The following ERC1 variants were observed in gnomAD, a reference collection of about 807,000 sequenced individuals.
The protein encoded by ERC1 is ELKS/RAB6-interacting/CAST family member 1.
In ERC1, 56 loss-of-function variants were observed where a neutral mutation model predicts 132.0. The observed-to-expected ratio is 0.42, with a 90% CI of 0.34 to 0.53. The LOEUF (loss-of-function observed/expected upper bound fraction) is 0.53, where lower values mean the gene tolerates loss of function less well. ERC1 is among the 20% of genes least tolerant of loss of function. The probability of loss-of-function intolerance (pLI) is 0.03; values close to 1 mark genes in which losing one functional copy is unlikely to be tolerated. For synonymous variants in ERC1, 478 were observed against 476.1 expected (o/e 1.00, Z -0.05); for missense variants, 1,202 against 1,349.9 (o/e 0.89, Z 1.72).
intron 12 of ERC1, among the ~76,000 whole-genome samples, chr12:1,216,653 G>A (rs1958455341): frequency 6.6e-6 from 1 of 151,712 alleles, no homozygotes; most frequent in African/African-American, 2.4e-5. Flanking sequence ...GGAATGATAT[G>A]TACAAAAACA....
intron 11 of ERC1, among the ~76,000 whole-genome samples, chr12:1,185,981 C>G (rs1274799709): frequency 6.6e-6 from 1 of 152,134 alleles, no homozygotes; most frequent in Non-Finnish European, 1.5e-5. Flanking sequence ...CCAATAGAGT[C>G]TTTTGTAAAG....
intron 16 of ERC1, among the ~76,000 whole-genome samples, chr12:1,373,876 T>C (rs1448152484): frequency 1.3e-5 from 2 of 152,250 alleles, no homozygotes; most frequent in African/African-American, 4.8e-5. Flanking sequence ...TCAGTGTCTT[T>C]ATATCAAACC....
chr12:1,016,328 A>G (rs929130877), intron 1 of ERC1, among the ~76,000 whole-genome samples: 24 of 152,252 alleles, frequency 1.6e-4, no homozygotes, highest in Non-Finnish European at 3.1e-4. Flanking sequence ...TTGCTATTAA[A>G]GAATTTTTTT....
rs1451274452 is a variant in ERC1, at chr12:1,493,049, AAG to A, written c.*2822_*2823del. The A allele has an allele frequency of 4.5e-6, 1 of 223,398 alleles. No individual in the cohort carries two copies. Among genetic ancestry groups the A allele is most frequent in the Non-Finnish European group, 8.9e-6 (1 of 111,928 alleles). 13.8% of individuals were successfully genotyped at this position (223,398 alleles called of 1,614,324 possible). A position where few individuals can be genotyped will look rare whatever the true frequency, so the allele number is the denominator to read the frequency against. On this transcript the variant is annotated 3_prime_UTR_variant, in exon 19 of 19. Coordinates refer to ENST00000360905, the MANE Select transcript of ERC1 (RefSeq NM_178040.4). ...TGCACCCCAAACCAATGTCACCATAAAGAGGGCACGAAGAAGAGTGGGTGTGA... is the reference window on the plus strand; with the variant it reads ...TGCACCCCAAACCAATGTCACCATAAAGGGCACGAAGAAGAGTGGGTGTGA...
At chr12:1,253,776 G>A (rs532464340) in intron 13 of ERC1, among the ~76,000 whole-genome samples, 28 of 152,294 alleles carry the variant, frequency 1.8e-4, no homozygotes, top group African/African-American at 6.5e-4. Flanking sequence ...TCTGAGAGAT[G>A]TATTGGGAGT....
At chr12:1,172,907 C>T (rs937552499) in intron 8 of ERC1, among the ~76,000 whole-genome samples, 15 of 152,164 alleles carry the variant, frequency 9.9e-5, no homozygotes, top group African/African-American at 2.7e-4. Flanking sequence ...ATTTGAATAA[C>T]GTCGTGGTCC....
chr12:1,293,678 A>G (rs1307199345), intron 15 of ERC1, among the ~76,000 whole-genome samples: 1 of 152,064 alleles, frequency 6.6e-6, no homozygotes, highest in African/African-American at 2.4e-5. Flanking sequence ...AAAAAATCTC[A>G]TTAGGGATTT....
chr12:1,407,270 A>T (rs917673647), intron 16 of ERC1, among the ~76,000 whole-genome samples: 2 of 150,616 alleles, frequency 1.3e-5, no homozygotes, highest in African/African-American at 5.0e-5. Context: ...GTATAAAGAA[A>T]AGCTATTTAT....
At chr12:1,472,147 G>C (rs1460741884) in intron 18 of ERC1, among the ~76,000 whole-genome samples, 9 of 152,148 alleles carry the variant, frequency 5.9e-5, no homozygotes, top group Non-Finnish European at 2.9e-5. Context: ...CGGGGATAGG[G>C]GACAGGGTAG....
intron 15 of ERC1, among the ~76,000 whole-genome samples, chr12:1,302,406 G>A (rs547685295): frequency 1.3e-3 from 202 of 152,206 alleles, no homozygotes; most frequent in Admixed American, 2.3e-3. Flanking sequence ...GATGTAAGCT[G>A]AACCCTGAGA....
At chr12:1,400,053 C>CT (rs59075529) in intron 16 of ERC1, among the ~76,000 whole-genome samples, 21,012 of 152,178 alleles carry the variant, frequency 0.14, 2,691 homozygotes, top group African/African-American at 0.34. Context: ...TTGTTATTGA[C>CT]TTTTAATAGC....
At chr12:1,411,106 T>C (rs2091820610) in intron 17 of ERC1, among the ~76,000 whole-genome samples, 2 of 152,176 alleles carry the variant, frequency 1.3e-5, no homozygotes, top group Admixed American at 6.5e-5. Flanking sequence ...TCCCTCCCTT[T>C]TCATGGATTG....
At chr12:1,360,822 C>G (rs2086019509) in intron 15 of ERC1, among the ~76,000 whole-genome samples, 1 of 152,126 alleles carries the variant, frequency 6.6e-6, no homozygotes, top group Non-Finnish European at 1.5e-5. Context: ...GTGGCTTACA[C>G]CTGTAATTCC....
At chr12:1,140,994 TAATAA>T (rs1949812427) in intron 7 of ERC1, among the ~76,000 whole-genome samples, 2 of 152,304 alleles carry the variant, frequency 1.3e-5, no homozygotes, top group African/African-American at 4.8e-5. Context: ...GCTAAAAGCT[TAATAA>T]AATTTTCTCT....
intron 18 of ERC1, among the ~76,000 whole-genome samples, chr12:1,448,574 G>C (rs1316706531): frequency 6.6e-6 from 1 of 152,222 alleles, no homozygotes; most frequent in East Asian, 1.9e-4. Context: ...TTTTGTGTGC[G>C]TGTTTTGTTT....
chr12:1,443,296 T>C (rs2093212276), intron 17 of ERC1: 1 of 152,172 alleles, frequency 6.6e-6, no homozygotes, highest in South Asian at 2.1e-4. Context: ...TATATTGTTT[T>C]CATAATAAAA....
intron 16 of ERC1, among the ~76,000 whole-genome samples, chr12:1,387,550 C>T (rs56090844): frequency 0.21 from 32,151 of 152,174 alleles, 3,902 homozygotes; most frequent in Non-Finnish European, 0.28. Flanking sequence ...AGGTGGGGCC[C>T]TAACCCTAAT....
chr12:1,115,846 G>T lies in ERC1; in HGVS notation c.1402-20G>T. The T allele has an allele frequency of 1.9e-6, 3 of 1,604,180 alleles. No homozygotes were observed. Among genetic ancestry groups the T allele is most frequent in the Non-Finnish European group, 2.6e-6 (3 of 1,175,138 alleles). On this transcript the variant is annotated intron_variant, in intron 6 of 18. Transcript: ENST00000360905. ...TTGTTTTATTTCTTTTTTCCTTAAA[G>T]TGTTTTACTTCTTTTCTAGATTGGC...
intron 17 of ERC1, among the ~76,000 whole-genome samples, chr12:1,418,589 C>CTT (rs1374610266): frequency 1.8e-4 from 19 of 107,026 alleles, no homozygotes; most frequent in African/African-American, 7.9e-4. Context: ...TTCTTTCTTT[C>CTT]TCTTTCTTTC....
Sources: gnomAD v4.1 joint callset for allele counts (sites outside exome capture counted in the v4.1 genomes callset) on GRCh38, gnomAD v4.1.1 for gene constraint, MANE v1.5 for transcripts, NCBI Gene and HGNC (gene_info 2026-07-23, HGNC 2026-07-21) for gene names.